ERMP1: variants seen among roughly 807,000 people sequenced by gnomAD.
The protein encoded by ERMP1 is Felix-ina.
In ERMP1, 86 loss-of-function variants were observed where a neutral mutation model predicts 92.0. That is an observed-to-expected ratio of 0.93 (90% CI 0.79 to 1.12). The LOEUF (loss-of-function observed/expected upper bound fraction) is 1.12, where lower values mean the gene tolerates loss of function less well. ERMP1 is among the 50% of genes most tolerant of loss of function. ERMP1 has a pLI of 0.00. For missense variants in ERMP1, 1,342 were observed against 1,116.3 expected, an observed-to-expected ratio of 1.20 and a Z score of -2.88; for synonymous variants, 530 against 412.8, an observed-to-expected ratio of 1.28 and a Z score of -3.44.
Position 5,810,225 on chromosome 9 carries a change from T to C in ERMP1, c.1334A>G (p.Asn445Ser). ...KFLQPKHKTG[N>S]YKKDFLCGLG... ...TCCACACAAGAAGTCCTTCTTGTAG[T>C]TACCAGCTAATGAAGAGAAAACAAA... Residue 445 changes from asparagine (N) to serine (S), a missense_variant, in exon 8 of 15, where the codon AAC becomes AGC. Transcript: ENST00000339450. The C allele has an allele frequency of 6.2e-7, 1 of 1,611,626 alleles. No homozygotes were observed. Among genetic ancestry groups the C allele is most frequent in the African/African-American group, 1.3e-5 (1 of 75,028 alleles).
At chr9:5,859,931 C>G (rs1328289816) in intron 5 of ERMP1, among the ~76,000 whole-genome samples, 2 of 152,146 alleles carry the variant, frequency 1.3e-5, no homozygotes, top group African/African-American at 4.8e-5. Context: ...CTGTATTACA[C>G]AGGTCTTAGT....
Position 5,833,031 on chromosome 9 carries a change from C to G in ERMP1, c.-4G>C, listed in dbSNP as rs1412496760. The G allele has an allele frequency of 6.6e-7, 1 of 1,510,270 alleles. No individual in the cohort carries two copies. The highest frequency in any genetic ancestry group is 2.6e-5 in the East Asian group (1 of 37,932). 93.6% of individuals were successfully genotyped at this position (1,510,270 alleles called of 1,614,324 possible). On this transcript the variant is annotated 5_prime_UTR_variant, in exon 1 of 15. Transcript: ENST00000339450. ...CCGACTCAGAACCCCACTCCATGGC[C>G]ACGAGCCTCAGCTGCCAGCCCAACC...
intron 6 of ERMP1, among the ~76,000 whole-genome samples, chr9:5,840,613 C>T (rs1282488301): frequency 1.3e-5 from 2 of 152,210 alleles, no homozygotes; most frequent in African/African-American, 2.4e-5. Context: ...AGTACGATGC[C>T]GCAGTTCAGA....
chr9:5,789,767 T>C (rs1435672403), intron 13 of ERMP1, among the ~76,000 whole-genome samples: 1 of 152,052 alleles, frequency 6.6e-6, no homozygotes, highest in African/African-American at 2.4e-5. Flanking sequence ...CACTGCAGCC[T>C]TGACTTCCTT....
intron 5 of ERMP1, among the ~76,000 whole-genome samples, chr9:5,866,042 T>A (rs1830649117): frequency 1.3e-5 from 2 of 152,158 alleles, no homozygotes; most frequent in African/African-American, 2.4e-5. Context: ...AATAATTTTT[T>A]AATCAAATAA....
chr9:5,823,179 G>T (rs1829605063), intron 4 of ERMP1, among the ~76,000 whole-genome samples: 1 of 152,042 alleles, frequency 6.6e-6, no homozygotes, highest in Non-Finnish European at 1.5e-5. Context: ...CAGCAACTCA[G>T]GAAACTGAGA....
At chr9:5,788,749 C>T (rs1013545059) in intron 13 of ERMP1, among the ~76,000 whole-genome samples, 8 of 151,812 alleles carry the variant, frequency 5.3e-5, no homozygotes, top group African/African-American at 1.9e-4. Context: ...TATAATCACA[C>T]TCCAACTACA....
At position 5,830,264 on chromosome 9, in the gene ERMP1, A is replaced by G. The variant is rs115153348; in HGVS notation, c.640+463T>C. 7.3e-3 allele frequency among the ~76,000 whole-genome samples: 1,113 copies of G among 152,228 alleles called. 21 individuals carry two copies. Among genetic ancestry groups the G allele is most frequent in the African/African-American group, 0.026 (1,067 of 41,532 alleles). The stretch of plus-strand genomic sequence containing the variant: ...GCCCATGACAATTCTTCTTCTTCCA[A>G]TGTGGCCCAGGGCAGCCAAAAGATT... On this transcript the variant is annotated intron_variant, in intron 2 of 14. Transcript: ENST00000339450.
chr9:5,824,926 T>G (rs547354785), intron 3 of ERMP1, among the ~76,000 whole-genome samples, 166 bp downstream of exon 3: 1 of 152,206 alleles, frequency 6.6e-6, no homozygotes, highest in African/African-American at 2.4e-5. Context: ...ACATAAGTGG[T>G]TGTGAATTTG....
At chr9:5,861,728 T>G (rs927180145) in intron 5 of ERMP1, among the ~76,000 whole-genome samples, 11 of 144,156 alleles carry the variant, frequency 7.6e-5, no homozygotes, top group African/African-American at 2.6e-4. Context: ...TTTTTTTTTT[T>G]TTTTTTTTTT....
intron 12 of ERMP1, among the ~76,000 whole-genome samples, 153 bp downstream of exon 12, chr9:5,798,651 TAA>T (rs57347922): frequency 2.6e-4 from 31 of 119,188 alleles, no homozygotes; most frequent in Admixed American, 3.4e-4. Context: ...TTTATTCCAC[TAA>T]AAAAAAAAAA....
rs1586829850 is a variant in ERMP1 at position 5,832,906 on chromosome 9, T to A, written c.122A>T (p.Asp41Val). Residue 41 changes from aspartate (D) to valine (V), a missense_variant, in exon 1 of 15, where the codon GAT (aspartate) becomes GTT (valine). Transcript: ENST00000339450. ...CGTCCTCCCGCCGCCGCTGCACCCA[T>A]CCACCAGAGGCTCCTGCGCTCGGGC... ...REARAQEPLV[D>V]GCSGGGRTRK... is the part of the protein sequence containing the mutation. The A allele has an allele frequency of 1.9e-6, 3 of 1,559,362 alleles. No homozygotes were observed. Among genetic ancestry groups the A allele is most frequent in the African/African-American group, 1.4e-5 (1 of 70,780 alleles).
rs1290062631 is a variant in ERMP1 at position 5,823,986 on chromosome 9, T to C, written c.784A>G (p.Ile262Val). The change falls in exon 4 of 15, where the codon ATT becomes GTT. Residue 262 changes from isoleucine (I) to valine (V), a missense_variant. Coordinates refer to ENST00000339450, the MANE Select transcript of ERMP1 (RefSeq NM_024896.3). ...ENVLQASHGFITQHPWASLIR... is the reference protein window; with the variant it reads ...ENVLQASHGFVTQHPWASLIR... ...AAGCTAGCCCAGGGGTGCTGAGTAA[T>C]GAAACCATGACTGGCCTTAAAGAGA... is the stretch of plus-strand genomic sequence containing the variant. The C allele has an allele frequency of 1.2e-6, 2 of 1,613,260 alleles. No homozygotes were observed. The highest frequency in any genetic ancestry group is 8.5e-7 in the Non-Finnish European group (1 of 1,179,490).
chr9:5,805,821 AG>A (rs771473986), intron 8 of ERMP1, 36 bp from the exon 9 acceptor site: 1 of 1,508,618 alleles, frequency 6.6e-7, no homozygotes, highest in Non-Finnish European at 8.9e-7. Context: ...AGTCTCATTC[AG>A]GGGTCATGCA....
intron 13 of ERMP1, among the ~76,000 whole-genome samples, chr9:5,797,475 C>G: frequency 6.6e-6 from 1 of 152,004 alleles, no homozygotes; most frequent in East Asian, 1.9e-4. Context: ...TGGTGAAACC[C>G]TGTCTCTACT....
In ERMP1 at chr9:5,801,267, C is replaced by T. The variant is rs1263114144; in HGVS notation, c.1976G>A (p.Cys659Tyr). The T allele has an allele frequency of 1.9e-6, 3 of 1,613,532 alleles. No homozygotes were observed. The highest frequency in any genetic ancestry group is 2.5e-6 in the Non-Finnish European group (3 of 1,179,774). Residue 659 changes from cysteine to tyrosine, a missense_variant, in exon 11 of 15, where the codon TGT becomes TAT. Cys to Tyr is a radical substitution (Grantham distance 194). Coordinates refer to ENST00000339450, the MANE Select transcript of ERMP1 (RefSeq NM_024896.3). ...KKTMLTLTLV[C>Y]AITFLLVCSG... is the part of the protein sequence containing the mutation. ...GCAAACAAGGAGGAATGTAATTGCA[C>T]ATACCAAAGTTAAAGTTAGCATGGT...
chr9:5,817,101 T>C (rs1352080270), intron 4 of ERMP1, among the ~76,000 whole-genome samples: 2 of 151,672 alleles, frequency 1.3e-5, no homozygotes, highest in Admixed American at 6.6e-5. Context: ...GGTTTCACCA[T>C]GTTATCCAGG....
At chr9:5,832,628 C>G in intron 1 of ERMP1, 62 bp downstream of exon 1, 2 of 1,283,444 alleles carry the variant, frequency 1.6e-6, no homozygotes, top group Non-Finnish European at 2.0e-6. Context: ...TGCGGTGCCC[C>G]GGAGCCTGCG....
Position 5,798,946 on chromosome 9 carries a change from C to A in ERMP1, c.2130G>T (p.Trp710Cys). Residue 710 changes from tryptophan to cysteine, a missense_variant, in exon 12 of 15, where the codon TGG (tryptophan) becomes TGT (cysteine). Trp to Cys is a radical substitution (Grantham distance 215, BLOSUM62 -2). Coordinates refer to ENST00000339450, the MANE Select transcript of ERMP1 (RefSeq NM_024896.3). ...GNAVKRDSGI[W>C]INGFDYTGIS... ...TTCCAGTATAATCAAACCCATTGATCCATATTCCAGAGTCCCGTTTAACTG... is the reference window on the plus strand; with the variant it reads ...TTCCAGTATAATCAAACCCATTGATACATATTCCAGAGTCCCGTTTAACTG... 6.2e-7 allele frequency: 1 copy of A among 1,613,410 alleles called. No homozygotes were observed. The highest frequency in any genetic ancestry group is 8.5e-7 in the Non-Finnish European group (1 of 1,179,416).
Sources: allele counts gnomAD v4.1 joint callset (sites outside exome capture counted in the v4.1 genomes callset), GRCh38; gene constraint gnomAD v4.1.1; transcripts MANE v1.5; gene names NCBI Gene and HGNC (gene_info 2026-07-23, HGNC 2026-07-21).